Variants in DCC observed in about 807,000 individuals in gnomAD.
DCC encodes the protein netrin receptor DCC.
DCC carries 58 observed loss-of-function variants against 172.5 expected under a neutral mutation model. The observed-to-expected ratio is 0.34, with a 90% CI of 0.27 to 0.42. The LOEUF is 0.42. Among genes scored for constraint, DCC ranks in the 10% least tolerant of loss-of-function variants. The pLI, the probability that DCC is intolerant of heterozygous loss-of-function variation, is 1.00. For missense variants in DCC, 1,740 were observed against 1,791.0 expected, an observed-to-expected ratio of 0.97 and a Z score of 0.51; for synonymous variants, 709 against 644.5, an observed-to-expected ratio of 1.10 and a Z score of -1.52.
intron 27 of DCC, among the ~76,000 whole-genome samples, chr18:53,503,464 A>T (rs1303745855): frequency 6.6e-6 from 1 of 152,196 alleles, no homozygotes; most frequent in African/African-American, 2.4e-5. Context: ...TACACATTTC[A>T]TGGAGGCTGC....
At chr18:52,840,662 C>A (rs968250486) in intron 2 of DCC, among the ~76,000 whole-genome samples, 1 of 152,132 alleles carries the variant, frequency 6.6e-6, no homozygotes, top group African/African-American at 2.4e-5. Context: ...AAACTGCTCA[C>A]GCAGGGCCTA....
At chr18:53,407,528 G>GAGATATATATATATATATATATATATAT (rs1555666923) in intron 19 of DCC, among the ~76,000 whole-genome samples, 1 of 117,438 alleles carries the variant, frequency 8.5e-6, no homozygotes, top group East Asian at 3.2e-4. Context: ...TTTTATTCTG[G>GAGATATATATATATATATATATATATAT]ATATATATAT....
chr18:52,417,150 A>G (rs1987065355), intron 1 of DCC, among the ~76,000 whole-genome samples: 1 of 152,102 alleles, frequency 6.6e-6, no homozygotes, highest in African/African-American at 2.4e-5. Context: ...TTGGCTGGAT[A>G]TGAAATTCTG....
chr18:53,312,092 G>A (rs1314174221), intron 13 of DCC, among the ~76,000 whole-genome samples: 1 of 149,078 alleles, frequency 6.7e-6, no homozygotes, highest in Non-Finnish European at 1.5e-5. Flanking sequence ...GGCGGATCAC[G>A]AGGTCAAGAG....
chr18:53,087,627 T>A (rs536961760), intron 7 of DCC, among the ~76,000 whole-genome samples: 2 of 152,340 alleles, frequency 1.3e-5, no homozygotes, highest in South Asian at 4.1e-4. Context: ...TTTGTCAATT[T>A]TGGCTTTTGT....
intron 12 of DCC, among the ~76,000 whole-genome samples, chr18:53,276,655 G>A (rs1166435745): frequency 3.9e-5 from 6 of 152,120 alleles, no homozygotes. Flanking sequence ...TGGAAATGAA[G>A]GGAAGGGTCT....
chr18:53,416,205 T>G (rs999193566), intron 21 of DCC, 49 bp downstream of exon 21: 2 of 1,310,770 alleles, frequency 1.5e-6, no homozygotes, highest in Non-Finnish European at 2.2e-6. Flanking sequence ...CAATCCTGTC[T>G]GTTAGACATG....
chr18:53,511,614 G>C (rs951785618), intron 27 of DCC, among the ~76,000 whole-genome samples: 4 of 152,186 alleles, frequency 2.6e-5, no homozygotes, highest in African/African-American at 9.6e-5. Context: ...CACCGTGCGC[G>C]AGCCAAAGCA....
At chr18:52,606,715 T>G (rs1412855152) in intron 1 of DCC, among the ~76,000 whole-genome samples, 1 of 152,176 alleles carries the variant, frequency 6.6e-6, no homozygotes, top group Non-Finnish European at 1.5e-5. Flanking sequence ...ATTTTCTAGT[T>G]TGTTTCTTTA....
chr18:52,716,145 G>T (rs1260467238), intron 1 of DCC, among the ~76,000 whole-genome samples: 5 of 152,220 alleles, frequency 3.3e-5, no homozygotes, highest in African/African-American at 1.2e-4. Flanking sequence ...CCCTTGCAAG[G>T]CCCTGGCCTG....
rs1257147507 is a variant in DCC, at chr18:53,283,056, C to G, written c.1912-22522C>G. ...AAAAGAAGGAATCAGTAAGTCAGCACTGACCTAATTATTACAAAGTGAATG... is the reference window on the plus strand; with the variant it reads ...AAAAGAAGGAATCAGTAAGTCAGCAGTGACCTAATTATTACAAAGTGAATG... On this transcript the variant is annotated intron_variant, in intron 12 of 28. Coordinates refer to ENST00000442544, the MANE Select transcript of DCC (RefSeq NM_005215.4). Among the ~76,000 whole-genome samples, 3 of 152,154 alleles carry G rather than the reference C, an allele frequency of 2.0e-5. No individual in the cohort carries two copies. In the East Asian group the frequency reaches 5.8e-4, roughly 29 times the overall value.
rs373900849 is a variant in DCC at position 52,426,978 on chromosome 18, G to T, written c.91+86100G>T. 5.9e-5 allele frequency among the ~76,000 whole-genome samples: 9 copies of T among 152,130 alleles called. No homozygotes were observed. In the South Asian group the frequency reaches 6.2e-4, roughly 11 times the overall value. Reference sequence around the variant, plus strand: ...TCCTGACAATAGTTCTATGACGTAGGTGCTGTTTTTAATTTGCATTTTTAT... The same window carrying T: ...TCCTGACAATAGTTCTATGACGTAGTTGCTGTTTTTAATTTGCATTTTTAT... On this transcript the variant is annotated intron_variant, in intron 1 of 28. Transcript: ENST00000442544.
At chr18:53,068,818 T>TGTGTGTGTG (rs763488670) in intron 7 of DCC, among the ~76,000 whole-genome samples, 25 of 151,244 alleles carry the variant, frequency 1.7e-4, no homozygotes, top group African/African-American at 2.7e-4. Flanking sequence ...TGTGTGTGTG[T>TGTGTGTGTG]TGCTGGGGAC....
Position 52,680,844 on chromosome 18 carries a change from A to G in DCC, c.92-71210A>G, listed in dbSNP as rs149134664. 2.2e-3 allele frequency among the ~76,000 whole-genome samples: 333 copies of G among 152,246 alleles called. 1 individual carries two copies. The highest frequency in any genetic ancestry group is 7.7e-3 in the African/African-American group (318 of 41,564). ...CCCATCTAAATTTACCATATAAATT[A>G]TATAGCTGTTGCCTTTTGCCTAACA... On this transcript the variant is annotated intron_variant, in intron 1 of 28. Transcript: ENST00000442544.
At chr18:53,488,728 G>T (rs2045929211) in intron 26 of DCC, among the ~76,000 whole-genome samples, 1 of 152,174 alleles carries the variant, frequency 6.6e-6, no homozygotes, top group Non-Finnish European at 1.5e-5. Context: ...GTGGTTAAAA[G>T]TCTCATGTGT....
At chr18:52,518,588 C>G (rs1033957497) in intron 1 of DCC, among the ~76,000 whole-genome samples, 5 of 152,070 alleles carry the variant, frequency 3.3e-5, no homozygotes, top group South Asian at 4.1e-4. Flanking sequence ...CAAAACTGTG[C>G]TAGTCTCAGA....
At chr18:53,004,267 G>A (rs2041611504) in intron 5 of DCC, among the ~76,000 whole-genome samples, 1 of 152,136 alleles carries the variant, frequency 6.6e-6, no homozygotes, top group Non-Finnish European at 1.5e-5. Context: ...TTTTGAAAGG[G>A]CCTTAGCCCT....
At chr18:52,456,532 A>G (rs1988462409) in intron 1 of DCC, among the ~76,000 whole-genome samples, 1 of 152,234 alleles carries the variant, frequency 6.6e-6, no homozygotes, top group Non-Finnish European at 1.5e-5. Context: ...TGGTTATACA[A>G]TATAGTTTAA....
Position 53,136,213 on chromosome 18 carries a change from A to ATCTATCTATC in DCC, c.1262-21142_1262-21141insCTATCTATCT, listed in dbSNP as rs1488952479. Among the ~76,000 whole-genome samples the ATCTATCTATC allele has an allele frequency of 1.1e-3, 82 of 73,902 alleles. 2 individuals are homozygous for ATCTATCTATC. Among genetic ancestry groups the ATCTATCTATC allele is most frequent in the South Asian group, 1.0e-2 (13 of 1,304 alleles). The allele number at this position is 73,902 out of a possible 152,430, so 48.5% of individuals were successfully genotyped here. The stretch of plus-strand genomic sequence containing the variant: ...TGATTTTATCTATCTATCTATCTAT[A>ATCTATCTATC]TATATATACACACACACACACATAC... On this transcript the variant is annotated intron_variant, in intron 7 of 28. Coordinates refer to ENST00000442544, the MANE Select transcript of DCC (RefSeq NM_005215.4).
Sources: allele counts gnomAD v4.1 joint callset (sites outside exome capture counted in the v4.1 genomes callset), GRCh38; gene constraint gnomAD v4.1.1; transcripts MANE v1.5; gene names NCBI Gene and HGNC (gene_info 2026-07-23, HGNC 2026-07-21).